The following TBC1D1 variants were observed in gnomAD, a reference collection of about 807,000 sequenced individuals.
TBC1D1 encodes the protein TBC1 domain family member 1, also known as TBC1 (tre-2/USP6, BUB2, cdc16) domain family, member 1.
A neutral mutation model predicts 125.6 loss-of-function variants in TBC1D1; 89 were observed. That is an observed-to-expected ratio of 0.71 (90% CI 0.60 to 0.85). TBC1D1 has a LOEUF of 0.85. TBC1D1 is among the 40% of genes least tolerant of loss of function. TBC1D1 has a pLI of 0.00. For synonymous variants in TBC1D1, 565 were observed against 564.1 expected, an observed-to-expected ratio of 1.00 and a Z score of -0.02; for missense variants, 1,377 against 1,469.2, an observed-to-expected ratio of 0.94 and a Z score of 1.03.
intron 2 of TBC1D1, among the ~76,000 whole-genome samples, chr4:37,983,236 T>A (rs1313811927): frequency 1.3e-5 from 2 of 149,744 alleles, no homozygotes; most frequent in Non-Finnish European, 3.0e-5. Flanking sequence ...CTGCCTCAGC[T>A]CCCGAGTAGC....
intron 2 of TBC1D1, among the ~76,000 whole-genome samples, chr4:37,951,658 G>A (rs1174625232): frequency 1.3e-5 from 2 of 152,148 alleles, no homozygotes; most frequent in Admixed American, 6.5e-5. Flanking sequence ...GAGGAGAGGC[G>A]GTGACACTCA....
intron 14 of TBC1D1, among the ~76,000 whole-genome samples, chr4:38,101,574 T>C (rs1315411656): frequency 6.6e-6 from 1 of 152,236 alleles, no homozygotes; most frequent in Admixed American, 6.5e-5. Flanking sequence ...TTGGACATTT[T>C]CTGTTTTTAG....
intron 12 of TBC1D1, among the ~76,000 whole-genome samples, chr4:38,081,437 C>CG (rs1560752623): frequency 2.0e-5 from 3 of 151,928 alleles, no homozygotes; most frequent in Non-Finnish European, 4.4e-5. Context: ...CACAGCAAGA[C>CG]GGTGACCCCG....
intron 12 of TBC1D1, among the ~76,000 whole-genome samples, chr4:38,079,442 T>C (rs1225396971): frequency 6.6e-6 from 1 of 152,198 alleles, no homozygotes; most frequent in Admixed American, 6.5e-5. Flanking sequence ...CATGGTGATA[T>C]GGCCAGGTGT....
chr4:37,960,872 C>T (rs375546881), intron 2 of TBC1D1: 13 of 1,614,018 alleles, frequency 8.1e-6, no homozygotes, highest in Non-Finnish European at 1.1e-5. Flanking sequence ...GAGTGCCTCT[C>T]ATGATCCTTG....
intron 12 of TBC1D1, chr4:38,060,734 T>A (rs776763845): frequency 3.0e-5 from 30 of 994,762 alleles, no homozygotes; most frequent in Non-Finnish European, 3.7e-5. Context: ...TTTCTTCAGA[T>A]CATGGTTTAG....
In TBC1D1 at chr4:38,014,384, G is replaced by A. The variant is rs1212568554; in HGVS notation, c.418-125G>A. 1 of 870,952 alleles carries A rather than the reference G, an allele frequency of 1.1e-6. No homozygotes were observed. Among genetic ancestry groups the A allele is most frequent in the African/African-American group, 1.7e-5 (1 of 60,000 alleles). 54.0% of individuals were successfully genotyped at this position (870,952 alleles called of 1,614,324 possible). A position where few individuals can be genotyped will look rare whatever the true frequency, so the allele number is the denominator to read the frequency against. On this transcript the variant is annotated intron_variant, in intron 2 of 19. Transcript: ENST00000261439. The surrounding 1 kb of genome is among the most constrained non-coding windows in gnomAD (Gnocchi z 5.1). ...CCTCCCGTGGGCTCCTCCTCCAGTG[G>A]GCTCCTCCTCCAGTGCTCCGCAGTG... is the stretch of plus-strand genomic sequence containing the variant.
At chr4:38,083,072 G>A (rs1234873618) in intron 12 of TBC1D1, among the ~76,000 whole-genome samples, 2 of 152,122 alleles carry the variant, frequency 1.3e-5, no homozygotes, top group Admixed American at 6.5e-5. Context: ...AGAGTTAGGT[G>A]CTCTGTTCTG....
At chr4:37,992,810 T>C (rs997720429) in intron 2 of TBC1D1, among the ~76,000 whole-genome samples, 13 of 146,936 alleles carry the variant, frequency 8.8e-5, no homozygotes, top group Non-Finnish European at 1.6e-4. Flanking sequence ...TTTTTTTTTT[T>C]TTTCTTTTTT....
At position 37,977,613 on chromosome 4, in the gene TBC1D1, T is replaced by C. The variant is rs1733453753; in HGVS notation, c.418-36896T>C. ...ACATTTGTAACCTTCGGGCCGGGGC[T>C]GGGCCGGGCCGCTGGAGGCCAGGCG... On this transcript the variant is annotated intron_variant, in intron 2 of 19. Transcript: ENST00000261439. This position sits in a 1 kb window ranked among gnomAD's most constrained non-coding sequence, Gnocchi z 4.3. 2 of 378,840 alleles carry C rather than the reference T, an allele frequency of 5.3e-6. No individual in the cohort carries two copies. Among genetic ancestry groups the C allele is most frequent in the Non-Finnish European group, 7.4e-6 (2 of 269,892 alleles). The allele number at this position is 378,840 out of a possible 1,614,324, so 23.5% of individuals were successfully genotyped here.
chr4:38,004,767 T>C (rs913799083), intron 2 of TBC1D1, among the ~76,000 whole-genome samples: 15 of 152,390 alleles, frequency 9.8e-5, no homozygotes, highest in Middle Eastern at 3.4e-3. Context: ...TGGGCAACTT[T>C]ATGTTTTCCT....
intron 1 of TBC1D1, among the ~76,000 whole-genome samples, chr4:37,896,669 G>A (rs1714701336): frequency 6.6e-6 from 1 of 151,530 alleles, no homozygotes; most frequent in Admixed American, 6.6e-5. Flanking sequence ...AGGAAGTTGG[G>A]GTTCTCTGCA....
intron 12 of TBC1D1, among the ~76,000 whole-genome samples, chr4:38,065,226 G>A (rs1341098691): frequency 6.6e-6 from 1 of 152,136 alleles, no homozygotes; most frequent in East Asian, 1.9e-4. Flanking sequence ...GGGATTATAG[G>A]TGTGAGCCAC....
At chr4:38,051,781 T>C in intron 11 of TBC1D1, 118 bp from the exon 12 acceptor site, 2 of 939,570 alleles carry the variant, frequency 2.1e-6, no homozygotes, top group African/African-American at 1.7e-5. Context: ...TCCACTCTGA[T>C]AGTGTTACTG....
chr4:37,943,168 C>T (rs1725939270), intron 2 of TBC1D1, among the ~76,000 whole-genome samples: 1 of 152,256 alleles, frequency 6.6e-6, no homozygotes, highest in African/African-American at 2.4e-5. Flanking sequence ...TTGGCCCCCA[C>T]TCTCTTCTGG....
At chr4:37,961,737 T>A (rs1372188515) in intron 2 of TBC1D1, among the ~76,000 whole-genome samples, 2 of 152,220 alleles carry the variant, frequency 1.3e-5, no homozygotes, top group Non-Finnish European at 2.9e-5. Flanking sequence ...GTGGTGGTTA[T>A]GTCTCTGAAC....
chr4:38,135,952 GTA>G (rs1491309404), intron 19 of TBC1D1, among the ~76,000 whole-genome samples: 6,304 of 133,484 alleles, frequency 0.047, 215 homozygotes, highest in South Asian at 0.08. Flanking sequence ...GTGTGTGTGT[GTA>G]TATATGTGTA....
chr4:37,893,895 T>A (rs1399312937), intron 1 of TBC1D1, among the ~76,000 whole-genome samples: 1 of 152,224 alleles, frequency 6.6e-6, no homozygotes, highest in African/African-American at 2.4e-5. Flanking sequence ...CTTCACTGAC[T>A]TTTCTTCCTT....
At chr4:37,901,122 AGTTTGG>A (rs1715897250) in intron 1 of TBC1D1, among the ~76,000 whole-genome samples, 2 of 149,638 alleles carry the variant, frequency 1.3e-5, no homozygotes, top group Admixed American at 6.6e-5. Context: ...TAGTTAAGGG[AGTTTGG>A]GTTTGGGTTT....
Sources: allele counts gnomAD v4.1 joint callset (sites outside exome capture counted in the v4.1 genomes callset), GRCh38; gene constraint gnomAD v4.1.1; non-coding constraint Gnocchi (gnomAD v3.1); transcripts MANE v1.5; gene names NCBI Gene and HGNC (gene_info 2026-07-23, HGNC 2026-07-21).